Variants in EVC observed in about 807,000 individuals in gnomAD.
EVC encodes the protein EvC ciliary complex subunit 1.
Under a neutral mutation model 118.9 loss-of-function variants are expected in EVC, and 116 were observed. The ratio of observed to expected loss-of-function variants is 0.98; its 90% CI spans 0.84 to 1.14. The LOEUF (loss-of-function observed/expected upper bound fraction) is 1.14, where lower values mean the gene tolerates loss of function less well. Among genes scored for constraint, EVC ranks in the 50% most tolerant of loss-of-function variants. The pLI, the probability that EVC is intolerant of heterozygous loss-of-function variation, is 0.00. For missense variants in EVC, 1,401 were observed against 1,246.4 expected, an observed-to-expected ratio of 1.12 and a Z score of -1.87; for synonymous variants, 619 against 534.7, an observed-to-expected ratio of 1.16 and a Z score of -2.18.
intron 11 of EVC, among the ~76,000 whole-genome samples, chr4:5,761,299 G>A (rs1244056023): frequency 6.6e-6 from 1 of 152,026 alleles, no homozygotes; most frequent in Admixed American, 6.5e-5. Flanking sequence ...GTGGGGATGA[G>A]CCCAGATCTG....
At position 5,783,807 on chromosome 4, in the gene EVC, G is replaced by A. The variant is rs1235423568; in HGVS notation, c.1776+43G>A. The A allele has an allele frequency of 4.6e-6, 7 of 1,537,946 alleles. No individual in the cohort carries two copies. In the Admixed American group the frequency reaches 1.2e-4, roughly 25 times the overall value. ...CCCAGGGGCTGGGGTCTGCATTTTA[G>A]AAACACACGAAGAAGCGTGAGAGAT... On this transcript the variant is annotated intron_variant, in intron 12 of 20. Transcript: ENST00000264956.
the EVC span, among the ~76,000 whole-genome samples, chr4:5,819,659 G>T: frequency 6.6e-6 from 1 of 152,198 alleles, no homozygotes; most frequent in African/African-American, 2.4e-5. Flanking sequence ...GACTGAGGAG[G>T]CCAGGCCCAG....
intron 11 of EVC, among the ~76,000 whole-genome samples, chr4:5,770,526 C>G (rs1733779900): frequency 6.6e-6 from 1 of 152,128 alleles, no homozygotes; most frequent in South Asian, 2.1e-4. Context: ...AGGAGTCAGG[C>G]CCAAGCCTCG....
At chr4:5,763,449 T>C (rs1176515449) in intron 11 of EVC, among the ~76,000 whole-genome samples, 5 of 123,346 alleles carry the variant, frequency 4.1e-5, no homozygotes, top group African/African-American at 1.5e-4. Context: ...AAGTCATTGG[T>C]AGCTTGATGG....
Position 5,756,428 on chromosome 4 carries a change from T to C in EVC, c.1563+66T>C. 6 of 1,394,244 alleles carry C rather than the reference T, an allele frequency of 4.3e-6. No homozygotes were observed. The highest frequency in any genetic ancestry group is 6.0e-6 in the Non-Finnish European group (6 of 1,003,172). 86.4% of individuals were successfully genotyped at this position (1,394,244 alleles called of 1,614,324 possible). A position where few individuals can be genotyped will look rare whatever the true frequency, so the allele number is the denominator to read the frequency against. ...TCTGTGTGTGTGCGAGAACCTCACA[T>C]CCTCCTGGCTGGGGACCCCAGAGGT... On this transcript the variant is annotated intron_variant, in intron 11 of 20. Transcript: ENST00000264956. This position sits in a 1 kb window ranked among gnomAD's most constrained non-coding sequence, Gnocchi z 4.2.
intron 11 of EVC, among the ~76,000 whole-genome samples, chr4:5,765,592 T>C (rs1732738573): frequency 7.6e-6 from 1 of 131,208 alleles, no homozygotes; most frequent in Non-Finnish European, 1.6e-5. Flanking sequence ...TGCTCCTGTA[T>C]TGGGCGCATA....
chr4:5,717,651 T>C (rs1724202294), intron 1 of EVC, among the ~76,000 whole-genome samples: 1 of 152,230 alleles, frequency 6.6e-6, no homozygotes, highest in Non-Finnish European at 1.5e-5. Flanking sequence ...CACAGGTTTC[T>C]CTCTATGCCC....
intron 17 of EVC, 65 bp from the exon 18 acceptor site, chr4:5,808,136 T>TACCAAG: frequency 3.3e-6 from 1 of 306,556 alleles, no homozygotes; most frequent in Non-Finnish European, 6.8e-6. Flanking sequence ...TCCTTCTCCC[T>TACCAAG]CCCTCCCTCC....
chr4:5,763,212 T>G (rs1577480920), intron 11 of EVC, among the ~76,000 whole-genome samples: 1 of 140,024 alleles, frequency 7.1e-6, no homozygotes, highest in Non-Finnish European at 1.5e-5. Context: ...CAGATAGTTG[T>G]AGATATGTGG....
intron 18 of EVC, among the ~76,000 whole-genome samples, chr4:5,809,055 T>C (rs1716472491): frequency 6.6e-6 from 1 of 152,342 alleles, no homozygotes; most frequent in Admixed American, 6.5e-5. Flanking sequence ...AGGTTACTGC[T>C]ACTGTCCCCA....
intron 1 of EVC, among the ~76,000 whole-genome samples, chr4:5,715,611 G>A (rs1723804185): frequency 6.6e-6 from 1 of 152,156 alleles, no homozygotes; most frequent in African/African-American, 2.4e-5. Context: ...TTCAAAAAGG[G>A]ATGGATGCAA....
At chr4:5,828,152 A>G in the EVC span, 53,877 of 985,392 alleles carry the variant, frequency 0.055, 1,521 homozygotes, top group Non-Finnish European at 0.058. Flanking sequence ...AAGGAGGATC[A>G]CAGCACCTCC....
chr4:5,824,513 ACT>A, the EVC span: 18 of 984,290 alleles, frequency 1.8e-5, no homozygotes, highest in South Asian at 4.7e-5. Context: ...TGCCCCTTCC[ACT>A]CTCTCTTTTG....
downstream of EVC, among the ~76,000 whole-genome samples, chr4:5,815,284 C>T (rs1359426960): frequency 6.6e-6 from 1 of 152,136 alleles, no homozygotes. Context: ...CTGTGGGGCA[C>T]AGAGGGCAAG....
rs915731008 is a variant in EVC, at chr4:5,738,452, T to A, written c.703-3264T>A. On this transcript the variant is annotated intron_variant, in intron 5 of 20. Coordinates refer to ENST00000264956, the MANE Select transcript of EVC (RefSeq NM_153717.3). This position sits in a 1 kb window ranked among gnomAD's most constrained non-coding sequence, Gnocchi z 6.5. ...GCATGGCACGCTGCAGAGAAATCTT[T>A]TGTGAAAGGAAGAGTCAGCTGATGT... 6.6e-6 allele frequency among the ~76,000 whole-genome samples: 1 copy of A among 152,122 alleles called. No homozygotes were observed. The highest frequency in any genetic ancestry group is 1.5e-5 in the Non-Finnish European group (1 of 68,016).
At chr4:5,761,397 C>T (rs1003834636) in intron 11 of EVC, among the ~76,000 whole-genome samples, 1 of 150,352 alleles carries the variant, frequency 6.7e-6, no homozygotes, top group Non-Finnish European at 1.5e-5. Context: ...TGAGCCAGCT[C>T]GAGGGTGCAC....
chr4:5,783,629 T>G lies in EVC; in HGVS notation c.1641T>G (p.Thr547=). ...TCCTTCAGACGCTCCCTGGCATGAC[T>G]GGCCTCCCCCCGGAAGAGTGTGACT... The part of the protein sequence containing the change: ...ALFLQTLPGM[T]GLPPEECDYL... Residue 547 remains threonine, a synonymous_variant, in exon 12 of 21, where the codon ACT becomes ACG. Transcript: ENST00000264956. 1 of 1,614,180 alleles carries G rather than the reference T, an allele frequency of 6.2e-7. No homozygotes were observed.
the EVC span, among the ~76,000 whole-genome samples, chr4:5,819,802 A>G: frequency 1.1e-4 from 17 of 150,842 alleles, no homozygotes; most frequent in African/African-American, 4.2e-4. Context: ...AAAAATCCTT[A>G]CCATCCATTC....
chr4:5,794,249 ATTTATATG>A (rs1299004304), intron 13 of EVC, among the ~76,000 whole-genome samples: 1 of 30,522 alleles, frequency 3.3e-5, no homozygotes, highest in Non-Finnish European at 8.0e-5. Flanking sequence ...TTATATATAT[ATTTATATG>A]TATTTATATA....
Sources: gnomAD v4.1 joint callset for allele counts (sites outside exome capture counted in the v4.1 genomes callset) on GRCh38, gnomAD v4.1.1 for gene constraint, Gnocchi (gnomAD v3.1) non-coding constraint, MANE v1.5 for transcripts, NCBI Gene and HGNC (gene_info 2026-07-23, HGNC 2026-07-21) for gene names.